Variants in DENND1C observed in about 807,000 individuals in gnomAD.
DENND1C encodes DENN domain containing 1C, also known as DENN domain-containing protein 1C.
DENND1C carries 64 observed loss-of-function variants against 87.9 expected under a neutral mutation model. The observed-to-expected ratio is 0.73, with a 90% CI of 0.60 to 0.90. The LOEUF (loss-of-function observed/expected upper bound fraction) is 0.90. Ranked by LOEUF, DENND1C falls within the 40% of genes least tolerant of loss-of-function variation. DENND1C has a pLI of 0.00. For missense variants in DENND1C, 980 were observed against 1,037.0 expected, an observed-to-expected ratio of 0.95 and a Z score of 0.76; for synonymous variants, 384 against 424.4, an observed-to-expected ratio of 0.90 and a Z score of 1.17.
chr19:6,469,496 C>T (rs1748647766), intron 19 of DENND1C, 100 bp downstream of exon 19: 2 of 1,181,604 alleles, frequency 1.7e-6, no homozygotes, highest in African/African-American at 3.0e-5. Flanking sequence ...ATTGCCCAAG[C>T]TGGTCTCAAA....
chr19:6,471,833 G>T (rs1297929608), intron 15 of DENND1C, among the ~76,000 whole-genome samples: 1 of 152,118 alleles, frequency 6.6e-6, no homozygotes, highest in Admixed American at 6.5e-5. Flanking sequence ...TGTAGAGACA[G>T]GGTTTCCCCA....
At chr19:6,476,241 C>T (rs2092859387) in intron 10 of DENND1C, 1 of 379,208 alleles carries the variant, frequency 2.6e-6, no homozygotes, top group Non-Finnish European at 4.8e-6. Flanking sequence ...CCTCCACTGA[C>T]TCCACCCCGA....
intron 13 of DENND1C, 29 bp downstream of exon 13, chr19:6,475,455 G>T: frequency 6.2e-7 from 1 of 1,613,754 alleles, no homozygotes; most frequent in Non-Finnish European, 8.5e-7. Context: ...CGCCTCCCGG[G>T]GCAGGAAGGT....
rs1913566954 is a variant in DENND1C at position 6,481,543 on chromosome 19, G to A, written c.17+136C>T. 12 of 1,274,800 alleles carry A rather than the reference G, an allele frequency of 9.4e-6. No homozygotes were observed. In the South Asian group the frequency reaches 9.7e-5, roughly 10 times the overall value. 79.0% of individuals were successfully genotyped at this position (1,274,800 alleles called of 1,614,324 possible). A position where few individuals can be genotyped will look rare whatever the true frequency, so the allele number is the denominator to read the frequency against. ...GAAGGTCATAGCGGAGGCCCATGGA[G>A]TATCTGATTCCAGCCACCTGCCCTG... On this transcript the variant is annotated intron_variant, in intron 1 of 22. Transcript: ENST00000381480.
intron 10 of DENND1C, chr19:6,476,302 A>G (rs1007089832): frequency 1.3e-5 from 3 of 237,972 alleles, no homozygotes; most frequent in Non-Finnish European, 1.6e-5. Flanking sequence ...CTAGGGGTGG[A>G]TCCAAGACGT....
intron 3 of DENND1C, 35 bp downstream of exon 3, chr19:6,479,824 C>G: frequency 6.2e-7 from 1 of 1,613,478 alleles, no homozygotes; most frequent in Non-Finnish European, 8.5e-7. Flanking sequence ...GAGACTGGCC[C>G]TCGCCCTGGG....
intron 10 of DENND1C, 54 bp downstream of exon 10, chr19:6,476,803 C>T (rs892171493): frequency 2.6e-6 from 4 of 1,552,900 alleles, no homozygotes; most frequent in Admixed American, 1.9e-5. Flanking sequence ...TGTCCCGCCC[C>T]CCGGGGCGGA....
chr19:6,469,369 C>T, intron 19 of DENND1C: 1 of 542,658 alleles, frequency 1.8e-6, no homozygotes, highest in Non-Finnish European at 3.3e-6. Flanking sequence ...TCTCTGTCAC[C>T]CAGGCTGGTG....
intron 16 of DENND1C, 29 bp downstream of exon 16, chr19:6,471,374 TGGG>T: frequency 1.3e-6 from 2 of 1,584,302 alleles, no homozygotes; most frequent in Non-Finnish European, 1.7e-6. Context: ...TGGCGGGTAG[TGGG>T]GGACCCAGGG....
chr19:6,469,733 T>C (rs1438588146), intron 18 of DENND1C, 93 bp from the exon 19 acceptor site: 1 of 1,403,192 alleles, frequency 7.1e-7, no homozygotes, highest in Non-Finnish European at 9.8e-7. Flanking sequence ...GCTTTTTTTT[T>C]TGCCATCTGC....
intron 19 of DENND1C, 72 bp from the exon 20 acceptor site, chr19:6,469,025 G>C: frequency 2.3e-6 from 2 of 877,380 alleles, no homozygotes; most frequent in Non-Finnish European, 3.0e-6. Context: ...TTGGTCTTTA[G>C]TTAGTCTTTT....
At position 6,468,834 on chromosome 19, in the gene DENND1C, G is replaced by A. The variant is rs769236013; in HGVS notation, c.1515+12C>T. ...ATTCCAGGTGTGTGCATGGGGGGAGGGGCGCTCTCACCTTTCCAAAGTGCT... is the reference window on the plus strand; with the variant it reads ...ATTCCAGGTGTGTGCATGGGGGGAGAGGCGCTCTCACCTTTCCAAAGTGCT... On this transcript the variant is annotated intron_variant, in intron 20 of 22. Coordinates refer to ENST00000381480, the MANE Select transcript of DENND1C (RefSeq NM_024898.4). The A allele has an allele frequency of 2.7e-6, 4 of 1,503,358 alleles. No homozygotes were observed. The highest frequency in any genetic ancestry group is 4.7e-5 in the Admixed American group (2 of 42,222). 93.1% of individuals were successfully genotyped at this position (1,503,358 alleles called of 1,614,324 possible). A position where few individuals can be genotyped will look rare whatever the true frequency, so the allele number is the denominator to read the frequency against.
chr19:6,473,608 C>T (rs1205315732), intron 14 of DENND1C, among the ~76,000 whole-genome samples: 8 of 151,646 alleles, frequency 5.3e-5, no homozygotes, highest in Admixed American at 5.3e-4. Context: ...GTAGCTGGGA[C>T]CACAGGTGCA....
intron 18 of DENND1C, 137 bp downstream of exon 18, chr19:6,470,158 G>T: frequency 1.3e-6 from 1 of 789,722 alleles, no homozygotes; most frequent in Non-Finnish European, 2.0e-6. Flanking sequence ...TTTAACTGCT[G>T]GTTCAGTTCT....
intron 10 of DENND1C, chr19:6,476,513 G>T: frequency 4.3e-6 from 1 of 231,970 alleles, no homozygotes. Flanking sequence ...TCAGATCTCT[G>T]AGTCCCTGAG....
chr19:6,470,620 G>GTTTTT (rs35687922), intron 17 of DENND1C, among the ~76,000 whole-genome samples: 7,703 of 114,592 alleles, frequency 0.067, 868 homozygotes, highest in African/African-American at 0.094. Context: ...GTTTTTTTTT[G>GTTTTT]TTTTTTTTTT....
chr19:6,480,332 AGT>A, intron 1 of DENND1C: 10 of 1,368,428 alleles, frequency 7.3e-6, no homozygotes, highest in Admixed American at 6.2e-5. Flanking sequence ...GTGAGCAGGC[AGT>A]GTGTGTGTGA....
intron 1 of DENND1C, chr19:6,480,451 C>T (rs1286959781): frequency 2.0e-6 from 2 of 984,764 alleles, no homozygotes; most frequent in Non-Finnish European, 2.4e-6. Flanking sequence ...AAGTGAATTA[C>T]ATCTCTCTCT....
rs1332066525 is a variant in DENND1C at position 6,479,065 on chromosome 19, G to A, written c.177-9C>T. 6.2e-7 allele frequency: 1 copy of A among 1,613,720 alleles called. No individual in the cohort carries two copies. The highest frequency in any genetic ancestry group is 1.7e-5 in the Admixed American group (1 of 59,990). On this transcript the variant is annotated splice_polypyrimidine_tract_variant and intron_variant, in intron 4 of 22. Coordinates refer to ENST00000381480, the MANE Select transcript of DENND1C (RefSeq NM_024898.4). ...CGGGGCTGGGGGGCTCCCTGGAGTG[G>A]GAAGGGCTGTTAGAGAGACCTGGAC...
Sources: allele counts gnomAD v4.1 joint callset (sites outside exome capture counted in the v4.1 genomes callset), GRCh38; gene constraint gnomAD v4.1.1; transcripts MANE v1.5; gene names NCBI Gene and HGNC (gene_info 2026-07-23, HGNC 2026-07-21).